The following WDR4 variants were observed in gnomAD, a reference collection of about 807,000 sequenced individuals.
WDR4 encodes tRNA (guanine-N(7)-)-methyltransferase non-catalytic subunit WDR4.
A neutral mutation model predicts 48.6 loss-of-function variants in WDR4; 47 were observed. That is an observed-to-expected ratio of 0.97 (90% CI 0.77 to 1.23). The LOEUF (loss-of-function observed/expected upper bound fraction) is 1.23. Ranked by LOEUF, WDR4 falls within the 50% of genes most tolerant of loss-of-function variation. The pLI is 0.00. For synonymous variants in WDR4, 268 were observed against 230.0 expected, an observed-to-expected ratio of 1.17 and a Z score of -1.49; for missense variants, 606 against 551.6, an observed-to-expected ratio of 1.10 and a Z score of -0.99.
At chr21:42,857,344 G>A (rs1050484991) in intron 6 of WDR4, among the ~76,000 whole-genome samples, 67 of 152,114 alleles carry the variant, frequency 4.4e-4, no homozygotes, top group African/African-American at 1.4e-3. Context: ...TGACCCACAC[G>A]TTCTACGGAG....
downstream of WDR4, among the ~76,000 whole-genome samples, chr21:42,848,245 G>A (rs1415192289): frequency 6.6e-6 from 1 of 152,184 alleles, no homozygotes. Flanking sequence ...AACGAATTAA[G>A]TGATGTACCC....
chr21:42,861,415 C>T (rs571514475), intron 5 of WDR4, among the ~76,000 whole-genome samples: 1 of 151,856 alleles, frequency 6.6e-6, no homozygotes, highest in Non-Finnish European at 1.5e-5. Context: ...TTACTCAATA[C>T]TTCTAAGTGA....
chr21:42,859,574 C>CACAGGGGCCAGCGATCA, intron 6 of WDR4, 88 bp downstream of exon 6: 2 of 1,385,728 alleles, frequency 1.4e-6, no homozygotes, highest in Non-Finnish European at 1.0e-6. Flanking sequence ...GCCAGCGATC[C>CACAGGGGCCAGCGATCA]ACAGGGGCCA....
upstream of WDR4, among the ~76,000 whole-genome samples, chr21:42,882,247 G>GTT (rs377150007): frequency 5.2e-3 from 792 of 151,038 alleles, 7 homozygotes; most frequent in African/African-American, 0.019. Flanking sequence ...GAGTGAGTGT[G>GTT]GGCTTTCTTT....
rs1569329587 is a variant in WDR4 at position 42,867,392 on chromosome 21, C to CAAA, written c.297-3797_297-3796insTTT. On this transcript the variant is annotated intron_variant, in intron 3 of 10. Coordinates refer to ENST00000398208, the MANE Select transcript of WDR4 (RefSeq NM_018669.6). ...GGTGACAAAGAGACACTCCGCTCCA[C>CAAA]CAAAAAAAAAAAAAAAAAAAAGTGA... Among the ~76,000 whole-genome samples the CAAA allele has an allele frequency of 1.3e-3, 87 of 64,864 alleles. 15 individuals are homozygous for CAAA. Among genetic ancestry groups the CAAA allele is most frequent in the Non-Finnish European group, 1.4e-3 (42 of 30,884 alleles). 42.6% of individuals were successfully genotyped at this position (64,864 alleles called of 152,430 possible). A position where few individuals can be genotyped will look rare whatever the true frequency, so the allele number is the denominator to read the frequency against.
rs79251617 is a variant in WDR4, at chr21:42,856,177, G to A, written c.628-397C>T. 6.2e-3 allele frequency among the ~76,000 whole-genome samples: 946 copies of A among 152,268 alleles called. 6 individuals are homozygous for A. Among genetic ancestry groups the A allele is most frequent in the Non-Finnish European group, 9.8e-3 (664 of 68,022 alleles). ...TCTGCGCAGACACTTCAGCAATCAT[G>A]CATTCCCACGGGGAGACACGTGTGG... On this transcript the variant is annotated intron_variant, in intron 6 of 10. Transcript: ENST00000398208.
intron 2 of WDR4, among the ~76,000 whole-genome samples, chr21:42,875,910 A>G (rs1170354934): frequency 8.7e-6 from 1 of 114,498 alleles, no homozygotes; most frequent in Non-Finnish European, 1.8e-5. Flanking sequence ...AAGTCCTAAC[A>G]CTGTGCTTTT....
downstream of WDR4, among the ~76,000 whole-genome samples, chr21:42,845,947 G>T (rs1309126009): frequency 6.6e-6 from 1 of 152,022 alleles, no homozygotes; most frequent in Non-Finnish European, 1.5e-5. Flanking sequence ...AGCCTGGGCA[G>T]CAGAGCAAGA....
rs370550090 is a variant in WDR4 at position 42,879,444 on chromosome 21, C to T, written c.52G>A (p.Gly18Ser). The T allele has an allele frequency of 5.0e-6, 8 of 1,613,788 alleles. No individual in the cohort carries two copies. The highest frequency in any genetic ancestry group is 6.8e-6 in the Non-Finnish European group (8 of 1,179,882). ...ALCGQTLVVRGGSRFLATSIA... is the reference protein window; with the variant it reads ...ALCGQTLVVRSGSRFLATSIA... Reference sequence around the variant, plus strand: ...GAGGTGGCCAGGAATCGGCTGCCGCCCCGCACCACCAACGTCTGCCCGCAC... The same window carrying T: ...GAGGTGGCCAGGAATCGGCTGCCGCTCCGCACCACCAACGTCTGCCCGCAC... The change falls in exon 1 of 11, where the codon GGC becomes AGC. Residue 18 changes from glycine (G) to serine (S), a missense_variant. Gly to Ser is a moderately conservative substitution (Grantham distance 56). Transcript: ENST00000398208.
In WDR4 at chr21:42,853,768, G is replaced by A. The variant is rs2057906654; in HGVS notation, c.792-16C>T. On this transcript the variant is annotated splice_polypyrimidine_tract_variant and intron_variant, in intron 8 of 10. Coordinates refer to ENST00000398208, the MANE Select transcript of WDR4 (RefSeq NM_018669.6). The stretch of plus-strand genomic sequence containing the variant: ...CACAGGAGTGCTTGCCACGAAGAAA[G>A]AGAGCATGATTACTAGGACTGCAGG... 3 of 1,546,260 alleles carry A rather than the reference G, an allele frequency of 1.9e-6. No homozygotes were observed. Among genetic ancestry groups the A allele is most frequent in the Non-Finnish European group, 2.6e-6 (3 of 1,146,238 alleles).
upstream of WDR4, among the ~76,000 whole-genome samples, chr21:42,880,248 C>A (rs2058596689): frequency 6.6e-6 from 1 of 152,120 alleles, no homozygotes; most frequent in Admixed American, 6.6e-5. Context: ...GCCACAGATG[C>A]CTTAAAATCT....
At chr21:42,857,993 G>GA (rs2058034120) in intron 6 of WDR4, among the ~76,000 whole-genome samples, 1 of 152,084 alleles carries the variant, frequency 6.6e-6, no homozygotes, top group Non-Finnish European at 1.5e-5. Flanking sequence ...CGGGAGGCCT[G>GA]AGGTGGGAGG....
chr21:42,879,189 G>C (rs2058571499), intron 1 of WDR4: 3 of 1,334,186 alleles, frequency 2.2e-6, no homozygotes, highest in Non-Finnish European at 2.9e-6. Flanking sequence ...CGCCGGAGCC[G>C]GGGAGCGGAC....
At chr21:42,867,987 C>T (rs1212275352) in intron 3 of WDR4, among the ~76,000 whole-genome samples, 3 of 152,154 alleles carry the variant, frequency 2.0e-5, no homozygotes, top group Non-Finnish European at 4.4e-5. Context: ...GATGAAGAGG[C>T]CCCCCACCCG....
In WDR4 at chr21:42,862,212, C is replaced by T. The variant is rs542206550; in HGVS notation, c.566+70G>A. 65 of 1,422,500 alleles carry T rather than the reference C, an allele frequency of 4.6e-5. 1 individual carries two copies. In the Admixed American group the frequency reaches 1.1e-3, roughly 24 times the overall value. The allele number at this position is 1,422,500 out of a possible 1,614,324, so 88.1% of individuals were successfully genotyped here. On this transcript the variant is annotated intron_variant, in intron 5 of 10. Coordinates refer to ENST00000398208, the MANE Select transcript of WDR4 (RefSeq NM_018669.6). This position sits in a 1 kb window ranked among gnomAD's most constrained non-coding sequence, Gnocchi z 4.3. ...GCCTCGCCAGCTACAACGGCACCTG[C>T]TGAGCCGCAAGCTGACGCTGTTTTC...
Position 42,862,524 on chromosome 21 carries a change from C to T in WDR4, c.454-130G>A, listed in dbSNP as rs1245901579. On this transcript the variant is annotated intron_variant, in intron 4 of 10. Transcript: ENST00000398208. The surrounding 1 kb of genome is among the most constrained non-coding windows in gnomAD (Gnocchi z 4.3). Reference sequence around the variant, plus strand: ...GATGAGGCCTTCGAGGACAGACCAGCGTGGCTCCTCCCCTCCTCCCGTCCC... The same window carrying T: ...GATGAGGCCTTCGAGGACAGACCAGTGTGGCTCCTCCCCTCCTCCCGTCCC... 3.9e-6 allele frequency: 3 copies of T among 764,832 alleles called. No individual in the cohort carries two copies. Among genetic ancestry groups the T allele is most frequent in the South Asian group, 1.7e-5 (1 of 57,500 alleles). The allele number at this position is 764,832 out of a possible 1,614,324, so 47.4% of individuals were successfully genotyped here.
chr21:42,843,750 A>G (rs2057686360), intron 11 of WDR4, among the ~76,000 whole-genome samples: 1 of 152,112 alleles, frequency 6.6e-6, no homozygotes, highest in Admixed American at 6.5e-5. Context: ...TATTTTTAGT[A>G]GAGACAGGGT....
chr21:42,885,621 TAG>T, the WDR4 span, among the ~76,000 whole-genome samples: 6 of 151,650 alleles, frequency 4.0e-5, no homozygotes, highest in Non-Finnish European at 8.8e-5. Flanking sequence ...AAAAAATATA[TAG>T]ATAGATAGAT....
downstream of WDR4, among the ~76,000 whole-genome samples, chr21:42,846,121 T>G (rs1364570391): frequency 6.6e-6 from 1 of 151,528 alleles, no homozygotes; most frequent in Non-Finnish European, 1.5e-5. Context: ...CAAGACCCTG[T>G]CTCTAAAAAT....
Sources: gnomAD v4.1 joint callset for allele counts (sites outside exome capture counted in the v4.1 genomes callset) on GRCh38, gnomAD v4.1.1 for gene constraint, Gnocchi (gnomAD v3.1) non-coding constraint, MANE v1.5 for transcripts, NCBI Gene and HGNC (gene_info 2026-07-23, HGNC 2026-07-21) for gene names.